Variants in COPG2 observed in about 807,000 individuals in gnomAD.
COPG2 encodes the protein coat protein complex I subunit gamma 2, also known as coatomer subunit gamma-2.
A neutral mutation model predicts 46.3 loss-of-function variants in COPG2; 37 were observed. That is an observed-to-expected ratio of 0.80 (90% confidence interval 0.61 to 1.05). COPG2 has a LOEUF of 1.05. COPG2 is among the 50% of genes least tolerant of loss of function. The probability of loss-of-function intolerance (pLI) is 0.00; values close to 1 mark genes in which losing one functional copy is unlikely to be tolerated. For synonymous variants in COPG2, 159 were observed against 129.7 expected (o/e 1.23, Z -1.53); for missense variants, 427 against 387.8 (o/e 1.10, Z -0.85).
chr7:130,630,869 T>C (rs1795215748), intron 5 of COPG2, among the ~76,000 whole-genome samples: 1 of 152,218 alleles, frequency 6.6e-6, no homozygotes, highest in South Asian at 2.1e-4. Flanking sequence ...TAAAGTTGGA[T>C]TTGGCTTTTT....
At chr7:130,607,116 CTG>C (rs1794747805) in intron 9 of COPG2, among the ~76,000 whole-genome samples, 1 of 151,978 alleles carries the variant, frequency 6.6e-6, no homozygotes, top group Non-Finnish European at 1.5e-5. Flanking sequence ...TGGTGCATCC[CTG>C]TAGTCCCAGC....
chr7:130,538,470 G>T (rs927418284), intron 20 of COPG2, among the ~76,000 whole-genome samples: 6 of 152,212 alleles, frequency 3.9e-5, no homozygotes, highest in African/African-American at 1.2e-4. Context: ...CAGATCTCAG[G>T]GAAGTTGGTA....
chr7:130,560,052 GGATATAAAGAAGTAAAAC>G (rs1352544569), intron 12 of COPG2, among the ~76,000 whole-genome samples: 2 of 151,890 alleles, frequency 1.3e-5, no homozygotes, highest in South Asian at 2.1e-4. Context: ...CATTTGGATT[GGATATAAAGAAGTAAAAC>G]TGCCTCTATT....
At position 130,511,795 on chromosome 7, in the gene COPG2, G is replaced by C. The variant is rs559282851; in HGVS notation, c.2150-3136C>G. The C allele has an allele frequency of 3.3e-5, 17 of 519,512 alleles. No individual in the cohort carries two copies. The East Asian group carries it at 9.3e-4, about 28-fold the overall frequency. The allele number at this position is 519,512 out of a possible 1,614,324, so 32.2% of individuals were successfully genotyped here. ...TGGTCGGCTGCATGGGAAATACACA[G>C]AAAGGGTTAAGGAGCAAGGAATTCA... On this transcript the variant is annotated intron_variant, in intron 20 of 23. Coordinates refer to ENST00000425248, the MANE Select transcript of COPG2 (RefSeq NM_012133.6).
At chr7:130,521,987 A>G (rs1799728102) in intron 20 of COPG2, among the ~76,000 whole-genome samples, 1 of 152,188 alleles carries the variant, frequency 6.6e-6, no homozygotes, top group Non-Finnish European at 1.5e-5. Context: ...TGATTCCAAA[A>G]AGGAGGAAAG....
In COPG2 at chr7:130,507,699, G is replaced by A; in HGVS notation, c.2372C>T (p.Thr791Ile). The A allele has an allele frequency of 1.3e-6, 1 of 780,352 alleles. No individual in the cohort carries two copies. The highest frequency in any genetic ancestry group is 1.3e-5 in the South Asian group (1 of 74,596). The allele number at this position is 780,352 out of a possible 1,614,324, so 48.3% of individuals were successfully genotyped here. The change falls in exon 22 of 24, where the codon ACC becomes ATC. Residue 791 changes from threonine to isoleucine, a missense_variant. By Grantham distance (89) the Thr-to-Ile change is moderately conservative. Transcript: ENST00000425248. Reference sequence around the variant, plus strand: ...ATGGGTCTCACCTTCAAGGGTTTTGGTAGAACTGAGGGCAAAGGTTTCCTC... The same window carrying A: ...ATGGGTCTCACCTTCAAGGGTTTTGATAGAACTGAGGGCAAAGGTTTCCTC... ...EKEETFALSS[T>I]KTLEEAVNNI...
At chr7:130,660,234 A>C (rs1423866722) in intron 4 of COPG2, among the ~76,000 whole-genome samples, 2 of 152,188 alleles carry the variant, frequency 1.3e-5, no homozygotes, top group Non-Finnish European at 2.9e-5. Flanking sequence ...CAAAAAGCCT[A>C]AAATACTCTG....
At chr7:130,659,457 T>A (rs782638819) in intron 4 of COPG2, among the ~76,000 whole-genome samples, 6 of 151,862 alleles carry the variant, frequency 4.0e-5, no homozygotes, top group Non-Finnish European at 8.8e-5. Context: ...ATGTGCAGTA[T>A]CATTTGTAAT....
chr7:130,534,681 C>G (rs1475413673), intron 20 of COPG2, among the ~76,000 whole-genome samples: 1 of 152,082 alleles, frequency 6.6e-6, no homozygotes, highest in Non-Finnish European at 1.5e-5. Context: ...AAAGGTAGAA[C>G]AGGACGGAGG....
At chr7:130,659,528 T>C (rs148753147) in intron 4 of COPG2, among the ~76,000 whole-genome samples, 96 of 152,238 alleles carry the variant, frequency 6.3e-4, no homozygotes, top group Non-Finnish European at 4.4e-5. Context: ...AGAATTACTG[T>C]ATATTCACAT....
intron 5 of COPG2, among the ~76,000 whole-genome samples, chr7:130,631,161 CTTTTTCTTTTCT>C (rs1795220431): frequency 1.5e-5 from 2 of 136,542 alleles, no homozygotes; most frequent in Admixed American, 8.4e-5. Context: ...GTTCCCTTTT[CTTTTTCTTTTCT>C]TTTTTTTTTT....
rs34665390 is a variant in COPG2, at chr7:130,609,333, C to T, written c.737+1620G>A. Reference sequence around the variant, plus strand: ...AGTGTTTCCCATGCTGTTCTCATGACAGTAAGTCTCATGAGATCTGATGGT... The same window carrying T: ...AGTGTTTCCCATGCTGTTCTCATGATAGTAAGTCTCATGAGATCTGATGGT... On this transcript the variant is annotated intron_variant, in intron 9 of 23. Transcript: ENST00000425248. 2.0e-3 allele frequency among the ~76,000 whole-genome samples: 309 copies of T among 152,156 alleles called. 2 individuals carry two copies. The highest frequency in any genetic ancestry group is 6.7e-3 in the African/African-American group (279 of 41,514).
At chr7:130,559,607 G>A (rs2116399728) in intron 12 of COPG2, among the ~76,000 whole-genome samples, 1 of 152,166 alleles carries the variant, frequency 6.6e-6, no homozygotes, top group Non-Finnish European at 1.5e-5. Context: ...AGGAATCATA[G>A]AGACCACTGA....
chr7:130,517,311 G>A (rs1269948054), intron 20 of COPG2, among the ~76,000 whole-genome samples: 1 of 152,186 alleles, frequency 6.6e-6, no homozygotes, highest in Non-Finnish European at 1.5e-5. Context: ...CAACTAGGCA[G>A]ATCAGATGTA....
At chr7:130,511,005 G>A (rs782054078) in intron 20 of COPG2, 1 of 518,872 alleles carries the variant, frequency 1.9e-6, no homozygotes, top group South Asian at 1.4e-5. Context: ...CTTGTCTTGT[G>A]AGGATTCACT....
At chr7:130,598,590 T>A (rs1460136630) in intron 9 of COPG2, among the ~76,000 whole-genome samples, 1 of 152,342 alleles carries the variant, frequency 6.6e-6, no homozygotes, top group East Asian at 1.9e-4. Context: ...AACTCATAAC[T>A]TTCCTAGGTA....
rs990697121 is a variant in COPG2, at chr7:130,512,182, C to T, written c.2150-3523G>A. ...CCAGGAGGCAGAGGTTGTGGTAAGCCGAGTTGGTGAGCCTTGTTAACTCTC... is the reference window on the plus strand; with the variant it reads ...CCAGGAGGCAGAGGTTGTGGTAAGCTGAGTTGGTGAGCCTTGTTAACTCTC... On this transcript the variant is annotated intron_variant, in intron 20 of 23. Transcript: ENST00000425248. Among the ~76,000 whole-genome samples, 16 of 151,188 alleles carry T rather than the reference C, an allele frequency of 1.1e-4. No homozygotes were observed. The East Asian group carries it at 2.0e-3, about 18-fold the overall frequency.
intron 6 of COPG2, among the ~76,000 whole-genome samples, chr7:130,616,441 T>C (rs1178621585): frequency 2.0e-5 from 3 of 151,740 alleles, no homozygotes; most frequent in Non-Finnish European, 1.5e-5. Flanking sequence ...AAAAAAAAAA[T>C]TAGCCAGGTG....
chr7:130,549,513 C>T (rs1793501040), intron 17 of COPG2, 137 bp from the exon 18 acceptor site: 25 of 396,030 alleles, frequency 6.3e-5, no homozygotes, highest in Non-Finnish European at 6.7e-5. Flanking sequence ...TATAGGTTAT[C>T]TATCACTTCT....
Sources: gnomAD v4.1 joint callset for allele counts (sites outside exome capture counted in the v4.1 genomes callset) on GRCh38, gnomAD v4.1.1 for gene constraint, MANE v1.5 for transcripts, NCBI Gene and HGNC (gene_info 2026-07-23, HGNC 2026-07-21) for gene names.